ALMS1: variants seen among roughly 807,000 people sequenced by gnomAD.
ALMS1 encodes the protein ALMS1 centrosome and basal body associated protein.
ALMS1 carries 271 observed loss-of-function variants against 352.2 expected under a neutral mutation model. The observed-to-expected ratio is 0.77, with a 90% CI of 0.70 to 0.85. The LOEUF (loss-of-function observed/expected upper bound fraction) is 0.85. Among genes scored for constraint, ALMS1 ranks in the 40% least tolerant of loss-of-function variants. ALMS1 has a pLI of 0.00. For synonymous variants in ALMS1, 1,865 were observed against 1,761.2 expected (o/e 1.06, Z -1.48); for missense variants, 5,445 against 4,870.7 (o/e 1.12, Z -3.51).
At chr2:73,455,896 G>A (rs537274185) in intron 9 of ALMS1, among the ~76,000 whole-genome samples, 3 of 152,074 alleles carry the variant, frequency 2.0e-5, no homozygotes, top group African/African-American at 7.2e-5. Flanking sequence ...TCTCTTGAAA[G>A]TGGTATCTTG....
At chr2:73,546,463 G>C (rs575982331) in intron 12 of ALMS1, among the ~76,000 whole-genome samples, 1 of 152,266 alleles carries the variant, frequency 6.6e-6, no homozygotes, top group African/African-American at 2.4e-5. Context: ...ACTGTGGTAG[G>C]TGTTACAATT....
intron 10 of ALMS1, among the ~76,000 whole-genome samples, chr2:73,505,371 T>G (rs964773431): frequency 1.1e-4 from 16 of 152,196 alleles, no homozygotes; most frequent in African/African-American, 3.9e-4. Flanking sequence ...CTCCACATCC[T>G]CTCCAGCATC....
intron 16 of ALMS1, among the ~76,000 whole-genome samples, chr2:73,584,991 T>C (rs1156485448): frequency 6.6e-6 from 1 of 152,236 alleles, no homozygotes; most frequent in Non-Finnish European, 1.5e-5. Context: ...TATTCCATGG[T>C]GTATATGTAC....
rs201603580 is a variant in ALMS1, at chr2:73,451,153, A to C, written c.4626A>C (p.Gln1542His). ...ACCAACTGGCATTGCTAGGTAGTCA[A>C]ATACCTGAAGAGGCTCTCAGAGTTT... Reference protein sequence around the residue: ...SFYQLALLGSQIPEEALRVSS... With the variant: ...SFYQLALLGSHIPEEALRVSS... Residue 1542 changes from glutamine (Q) to histidine (H), a missense_variant, in exon 8 of 23, where the codon CAA becomes CAC. Physicochemically the swap from Gln to His is conservative, Grantham distance 24 (BLOSUM62 0). Transcript: ENST00000613296. The C allele has an allele frequency of 2.7e-5, 44 of 1,612,122 alleles. No individual in the cohort carries two copies. The highest frequency in any genetic ancestry group is 3.1e-5 in the Non-Finnish European group (36 of 1,179,446).
In ALMS1 at chr2:73,490,235, A is replaced by G; in HGVS notation, c.8276A>G (p.Asn2759Ser). ...AATTCTCATTTCACTGAAGAACAAAATCCTCCCAGAGATCTTAAACAGAAA... is the reference window on the plus strand; with the variant it reads ...AATTCTCATTTCACTGAAGAACAAAGTCCTCCCAGAGATCTTAAACAGAAA... ...VFNSHFTEEQ[N>S]PPRDLKQKTS... The change falls in exon 10 of 23, where the codon AAT becomes AGT. Residue 2759 changes from asparagine (N) to serine (S), a missense_variant. Coordinates refer to ENST00000613296, the MANE Select transcript of ALMS1 (RefSeq NM_001378454.1). The G allele has an allele frequency of 1.2e-6, 2 of 1,614,144 alleles. No individual in the cohort carries two copies. Among genetic ancestry groups the G allele is most frequent in the Non-Finnish European group, 1.7e-6 (2 of 1,180,022 alleles).
chr2:73,434,719 C>T (rs1558642947), intron 7 of ALMS1, among the ~76,000 whole-genome samples: 1 of 152,118 alleles, frequency 6.6e-6, no homozygotes. Context: ...TCTATTTCTC[C>T]CCTTTTTTCT....
Position 73,491,425 on chromosome 2 carries a change from A to G in ALMS1, c.9466A>G (p.Arg3156Gly), listed in dbSNP as rs1297921411. 3.7e-6 allele frequency: 6 copies of G among 1,614,042 alleles called. No individual in the cohort carries two copies. Among genetic ancestry groups the G allele is most frequent in the East Asian group, 2.2e-5 (1 of 44,892 alleles). The change falls in exon 10 of 23, where the codon AGG (arginine) becomes GGG (glycine). Residue 3156 changes from arginine to glycine, a missense_variant. Physicochemically the swap from Arg to Gly is moderately radical, Grantham distance 125. Transcript: ENST00000613296. ...PSQNSQIVTS[R>G]QIQVNISDFE... ...TCAGAATAGCCAGATAGTAACCTCC[A>G]GGCAAATACAAGTGAACATTTCAGA...
At chr2:73,522,902 A>G (rs1673714682) in intron 11 of ALMS1, among the ~76,000 whole-genome samples, 1 of 152,170 alleles carries the variant, frequency 6.6e-6, no homozygotes, top group Admixed American at 6.5e-5. Context: ...TGGATAATTC[A>G]GGTCTATCAT....
At chr2:73,543,057 C>T (rs1445700906) in intron 12 of ALMS1, among the ~76,000 whole-genome samples, 3 of 151,994 alleles carry the variant, frequency 2.0e-5, no homozygotes, top group East Asian at 1.9e-4. Context: ...TGCATCGCCA[C>T]GTCAATCCTA....
At chr2:73,464,308 C>T (rs529044989) in intron 9 of ALMS1, among the ~76,000 whole-genome samples, 19 of 152,216 alleles carry the variant, frequency 1.2e-4, no homozygotes, top group South Asian at 8.3e-4. Context: ...AATCAATAAA[C>T]GTAATCCAGC....
intron 16 of ALMS1, among the ~76,000 whole-genome samples, chr2:73,592,003 G>GT (rs755270341): frequency 9.3e-4 from 141 of 151,972 alleles, no homozygotes; most frequent in Admixed American, 2.0e-3. Context: ...TCCCATTAGA[G>GT]TTTTTTTTAC....
intron 16 of ALMS1, among the ~76,000 whole-genome samples, chr2:73,594,381 A>G (rs1675502035): frequency 6.6e-6 from 1 of 152,262 alleles, no homozygotes; most frequent in Non-Finnish European, 1.5e-5. Flanking sequence ...ATTTGAAATG[A>G]AAACGGAAAC....
chr2:73,572,193 G>T, intron 15 of ALMS1, 69 bp from the exon 16 acceptor site: 1 of 1,310,392 alleles, frequency 7.6e-7, no homozygotes, highest in Non-Finnish European at 1.1e-6. Context: ...CTAAAGAATT[G>T]TGAATAGTAT....
At chr2:73,398,889 G>A (rs1670816835) in intron 1 of ALMS1, among the ~76,000 whole-genome samples, 1 of 152,148 alleles carries the variant, frequency 6.6e-6, no homozygotes, top group South Asian at 2.1e-4. Flanking sequence ...TGTCACCCGG[G>A]CTGGAGTGCA....
chr2:73,463,019 C>T (rs1344309276), intron 9 of ALMS1, among the ~76,000 whole-genome samples: 1 of 152,164 alleles, frequency 6.6e-6, no homozygotes, highest in African/African-American at 2.4e-5. Flanking sequence ...GAGACTTTAA[C>T]ACCCCACTGT....
intron 9 of ALMS1, among the ~76,000 whole-genome samples, chr2:73,472,800 A>T (rs1672494759): frequency 6.6e-6 from 1 of 152,044 alleles, no homozygotes; most frequent in South Asian, 2.1e-4. Flanking sequence ...TGATCGTTTT[A>T]ACCTGTCTGA....
At chr2:73,583,115 G>C (rs528675627) in intron 16 of ALMS1, among the ~76,000 whole-genome samples, 1 of 151,396 alleles carries the variant, frequency 6.6e-6, no homozygotes, top group Admixed American at 6.6e-5. Flanking sequence ...CTTATGCTTA[G>C]TGATACTGAG....
At chr2:73,566,564 A>G (rs898999788) in intron 15 of ALMS1, among the ~76,000 whole-genome samples, 5 of 152,252 alleles carry the variant, frequency 3.3e-5, no homozygotes, top group East Asian at 3.8e-4. Flanking sequence ...TTTTTGGACC[A>G]TGGTTGACTA....
chr2:73,560,546 G>A (rs1353511570), intron 15 of ALMS1, among the ~76,000 whole-genome samples: 1 of 151,954 alleles, frequency 6.6e-6, no homozygotes, highest in Non-Finnish European at 1.5e-5. Flanking sequence ...GCCACTGCTG[G>A]GCATATAACC....
Sources: gnomAD v4.1 joint callset for allele counts (sites outside exome capture counted in the v4.1 genomes callset) on GRCh38, gnomAD v4.1.1 for gene constraint, MANE v1.5 for transcripts, NCBI Gene and HGNC (gene_info 2026-07-23, HGNC 2026-07-21) for gene names.